The following ZNF331 variants were observed in gnomAD, a reference collection of about 807,000 sequenced individuals.
The protein encoded by ZNF331 is C2H2-like zinc finger protein rearranged in thyroid adenomas.
In ZNF331, 2 loss-of-function variants were observed where a neutral mutation model predicts 7.0. That is an observed-to-expected ratio of 0.29 (90% CI 0.12 to 0.90). The LOEUF is 0.90. Ranked by LOEUF, ZNF331 falls within the 40% of genes least tolerant of loss-of-function variation. The pLI, the probability that ZNF331 is intolerant of heterozygous loss-of-function variation, is 0.58. For synonymous variants in ZNF331, 196 were observed against 205.4 expected (o/e 0.95, Z 0.39); for missense variants, 432 against 587.7 (o/e 0.74, Z 2.74).
chr19:53,549,645 A>T (rs1379838144), intron 2 of ZNF331, among the ~76,000 whole-genome samples: 1 of 151,414 alleles, frequency 6.6e-6, no homozygotes, highest in African/African-American at 2.4e-5. Context: ...AAGCCTCATG[A>T]TTCTAACGTT....
At chr19:53,546,140 GAA>G (rs527391326) in intron 2 of ZNF331, among the ~76,000 whole-genome samples, 1,428 of 113,510 alleles carry the variant, frequency 0.013, 50 homozygotes, top group East Asian at 0.11. Context: ...TCCTGAGGGG[GAA>G]AAAAAAAAAA....
At chr19:53,512,132 T>G in the ZNF331 span, 8 of 152,266 alleles carry the variant, frequency 5.3e-5, no homozygotes, top group Non-Finnish European at 8.8e-5. Context: ...GTCTGTTATC[T>G]CCGGTCCGGG....
the ZNF331 span, among the ~76,000 whole-genome samples, chr19:53,506,141 C>A: frequency 6.6e-6 from 1 of 151,614 alleles, no homozygotes; most frequent in South Asian, 2.1e-4. Flanking sequence ...CGAGACCATC[C>A]TGCCCAACAT....
At chr19:53,561,880 G>T (rs550016489) in intron 3 of ZNF331, among the ~76,000 whole-genome samples, 1 of 152,302 alleles carries the variant, frequency 6.6e-6, no homozygotes, top group Admixed American at 6.5e-5. Flanking sequence ...GGGTGCAATG[G>T]CTTGTGCCTG....
intron 2 of ZNF331, among the ~76,000 whole-genome samples, chr19:53,546,552 A>C (rs1317545747): frequency 2.0e-5 from 3 of 152,078 alleles, no homozygotes; most frequent in African/African-American, 4.8e-5. Context: ...AAAAAAAAAA[A>C]AAACAACTCC....
chr19:53,538,877 CAAGGGCCGCG>C (rs1218136215), intron 1 of ZNF331: 2 of 152,414 alleles, frequency 1.3e-5, no homozygotes, highest in Non-Finnish European at 2.9e-5. Flanking sequence ...TGCCTGAGAA[CAAGGGCCGCG>C]GAGGGACGTG....
In ZNF331 at chr19:53,549,605, G is replaced by A. The variant is rs187396945; in HGVS notation, c.-137-6240G>A. Among the ~76,000 whole-genome samples, 31 of 151,592 alleles carry A rather than the reference G, an allele frequency of 2.0e-4. 1 individual carries two copies. In the East Asian group the frequency reaches 5.4e-3, roughly 27 times the overall value. On this transcript the variant is annotated intron_variant, in intron 2 of 5. Transcript: ENST00000449416. ...CATCAGCTATTTCACTGGAATTTGG[G>A]ACCTGAGAAACATCTTGTGCAATTC...
the ZNF331 span, chr19:53,503,818 T>A: frequency 1.4e-6 from 1 of 697,136 alleles, no homozygotes; most frequent in African/African-American, 1.8e-5. Flanking sequence ...TCAATATCAT[T>A]GTTCTCATGC....
chr19:53,513,872 A>C, the ZNF331 span, among the ~76,000 whole-genome samples: 2 of 152,150 alleles, frequency 1.3e-5, no homozygotes, highest in South Asian at 4.1e-4. Context: ...GGCCTTCCAA[A>C]GTGCTGGGAT....
At position 53,544,362 on chromosome 19, in the gene ZNF331, G is replaced by A. The variant is rs12983991; in HGVS notation, c.-138+5080G>A. Among the ~76,000 whole-genome samples, 124 of 150,748 alleles carry A rather than the reference G, an allele frequency of 8.2e-4. 1 individual carries two copies. The highest frequency in any genetic ancestry group is 2.0e-3 in the Admixed American group (30 of 15,134). On this transcript the variant is annotated intron_variant, in intron 2 of 5. Coordinates refer to ENST00000449416, the MANE Select transcript of ZNF331 (RefSeq NM_001079906.2). ...AGATGGAGACCATCCTGGCTAACAC[G>A]GTGAAACCCCATCTCTACTAAAAAT...
At chr19:53,532,573 C>A (rs1477942937) in intron 2 of ZNF331, among the ~76,000 whole-genome samples, 2 of 152,150 alleles carry the variant, frequency 1.3e-5, no homozygotes, top group Non-Finnish European at 2.9e-5. Context: ...CCTTCCTCTA[C>A]AACTTTTTGG....
At position 53,579,340 on chromosome 19, in the gene ZNF331, G is replaced by GT; in HGVS notation, c.*1390dup. The GT allele has an allele frequency of 5.5e-6, 1 of 183,150 alleles. No individual in the cohort carries two copies. The highest frequency in any genetic ancestry group is 6.3e-5 in the Admixed American group (1 of 15,792). The allele number at this position is 183,150 out of a possible 1,614,324, so 11.3% of individuals were successfully genotyped here. ...TTTGGTCATGCCACCCACTCTACCA[G>GT]TTGTCCCCACCATCCCCCGCCCTCC... On this transcript the variant is annotated 3_prime_UTR_variant, in exon 6 of 6. Transcript: ENST00000449416.
intron 2 of ZNF331, among the ~76,000 whole-genome samples, chr19:53,530,549 G>A (rs4352154): frequency 0.26 from 39,930 of 152,142 alleles, 6,206 homozygotes; most frequent in African/African-American, 0.43. Flanking sequence ...GCAAAGGGAA[G>A]ACCAATAGGG....
At chr19:53,545,349 G>A (rs945746687) in intron 2 of ZNF331, among the ~76,000 whole-genome samples, 3 of 152,162 alleles carry the variant, frequency 2.0e-5, no homozygotes, top group African/African-American at 4.8e-5. Flanking sequence ...CGTGACTAAC[G>A]GGGCATAACT....
chr19:53,557,616 C>G (rs1028549343), intron 3 of ZNF331, among the ~76,000 whole-genome samples: 5 of 152,140 alleles, frequency 3.3e-5, no homozygotes, highest in African/African-American at 1.2e-4. Context: ...TCAGTGTGTA[C>G]AAAACCAACT....
At chr19:53,519,736 T>G (rs1000591525), upstream of ZNF331, among the ~76,000 whole-genome samples, 2 of 152,130 alleles carry the variant, frequency 1.3e-5, no homozygotes, top group African/African-American at 4.8e-5. Flanking sequence ...GTCCTGCCCT[T>G]ACAGAGAGAG....
At chr19:53,529,832 A>G (rs556525061) in intron 2 of ZNF331, among the ~76,000 whole-genome samples, 2 of 152,150 alleles carry the variant, frequency 1.3e-5, no homozygotes, top group African/African-American at 2.4e-5. Context: ...AACTGAGTAG[A>G]AGCAGCTCAG....
chr19:53,573,384 G>A lies in ZNF331; in HGVS notation c.136+1654G>A, dbSNP rs113205845. ...ACAAAAATTTGCCGGGTGTGGTGGC[G>A]CATGCCTGTAATTCCAGCTACTTGG... On this transcript the variant is annotated intron_variant, in intron 5 of 5. Coordinates refer to ENST00000449416, the MANE Select transcript of ZNF331 (RefSeq NM_001079906.2). This position sits in a 1 kb window ranked among gnomAD's most constrained non-coding sequence, Gnocchi z 4.2. Among the ~76,000 whole-genome samples the A allele has an allele frequency of 9.2e-5, 14 of 152,064 alleles. No homozygotes were observed. The highest frequency in any genetic ancestry group is 8.3e-4 in the South Asian group (4 of 4,814).
At position 53,573,446 on chromosome 19, in the gene ZNF331, T is replaced by C. The variant is rs1394264005; in HGVS notation, c.136+1716T>C. Among the ~76,000 whole-genome samples, 2 of 151,458 alleles carry C rather than the reference T, an allele frequency of 1.3e-5. No homozygotes were observed. Among genetic ancestry groups the C allele is most frequent in the Non-Finnish European group, 2.9e-5 (2 of 67,898 alleles). On this transcript the variant is annotated intron_variant, in intron 5 of 5. Coordinates refer to ENST00000449416, the MANE Select transcript of ZNF331 (RefSeq NM_001079906.2). The surrounding 1 kb of genome is among the most constrained non-coding windows in gnomAD (Gnocchi z 4.2). ...AGGAGAATCACTTGAACCCGGGAGG[T>C]AGAGGTATAGCATTTCTTTTTTTTT...
Sources: allele counts gnomAD v4.1 joint callset (sites outside exome capture counted in the v4.1 genomes callset), GRCh38; gene constraint gnomAD v4.1.1; non-coding constraint Gnocchi (gnomAD v3.1); transcripts MANE v1.5; gene names NCBI Gene and HGNC (gene_info 2026-07-23, HGNC 2026-07-21).